The following DOK6 variants were observed in gnomAD, a reference collection of about 807,000 sequenced individuals.
DOK6 encodes docking protein 6, also known as downstream of tyrosine kinase 6.
A neutral mutation model predicts 44.0 loss-of-function variants in DOK6; 22 were observed. That is an observed-to-expected ratio of 0.50 (90% CI 0.36 to 0.71). The LOEUF is 0.71. Ranked by LOEUF, DOK6 falls within the 30% of genes least tolerant of loss-of-function variation. The probability of loss-of-function intolerance (pLI) is 0.00; values close to 1 mark genes in which losing one functional copy is unlikely to be tolerated. For synonymous variants in DOK6, 166 were observed against 145.5 expected (o/e 1.14, Z -1.01); for missense variants, 340 against 416.4 (o/e 0.82, Z 1.60).
intron 4 of DOK6, among the ~76,000 whole-genome samples, chr18:69,686,123 A>G (rs1263827068): frequency 6.6e-6 from 1 of 152,094 alleles, no homozygotes; most frequent in Non-Finnish European, 1.5e-5. Flanking sequence ...GGAAAACCAT[A>G]TAAAGATATA....
chr18:69,492,336 A>G (rs1445671191), intron 1 of DOK6, among the ~76,000 whole-genome samples: 1 of 152,186 alleles, frequency 6.6e-6, no homozygotes, highest in Non-Finnish European at 1.5e-5. Flanking sequence ...CAGAGACTGT[A>G]CAATCTGTAT....
At chr18:69,647,029 C>A (rs1248295615) in intron 3 of DOK6, among the ~76,000 whole-genome samples, 3 of 147,680 alleles carry the variant, frequency 2.0e-5, no homozygotes, top group Non-Finnish European at 4.5e-5. Flanking sequence ...TCTCATCTAT[C>A]CATCTGTCTA....
chr18:69,432,451 G>GA (rs1457489814), intron 1 of DOK6, among the ~76,000 whole-genome samples: 6 of 148,272 alleles, frequency 4.0e-5, no homozygotes, highest in African/African-American at 1.5e-4. Context: ...CTCAAAAAAA[G>GA]AGAAAAAAGT....
intron 4 of DOK6, among the ~76,000 whole-genome samples, chr18:69,683,730 A>T (rs117807167): frequency 6.6e-6 from 1 of 152,234 alleles, no homozygotes; most frequent in Non-Finnish European, 1.5e-5. Context: ...GAGATGATAT[A>T]TTACTGTTAT....
chr18:69,848,546 C>T lies in DOK6; in HGVS notation c.*7163C>T, dbSNP rs1377486977. On this transcript the variant is annotated 3_prime_UTR_variant, in exon 8 of 8. Coordinates refer to ENST00000382713, the MANE Select transcript of DOK6 (RefSeq NM_152721.6). The stretch of plus-strand genomic sequence containing the variant: ...ACTGAAATGTGAATTTCTAGCAGAA[C>T]AGAAAATATTATAATAATGAGGCAA... The T allele has an allele frequency of 6.6e-6, 1 of 152,128 alleles. No individual in the cohort carries two copies. Among genetic ancestry groups the T allele is most frequent in the African/African-American group, 2.4e-5 (1 of 41,424 alleles). The allele number at this position is 152,128 out of a possible 1,614,324, so 9.4% of individuals were successfully genotyped here.
chr18:69,516,868 A>C (rs1981541137), intron 1 of DOK6, among the ~76,000 whole-genome samples: 1 of 147,372 alleles, frequency 6.8e-6, no homozygotes, highest in African/African-American at 2.5e-5. Context: ...TCTAGTGAAG[A>C]CGACCGTTTC....
intron 5 of DOK6, chr18:69,724,896 T>C (rs1358065120): frequency 1.3e-5 from 2 of 152,222 alleles, no homozygotes; most frequent in African/African-American, 2.4e-5. Flanking sequence ...TCTCCTTTTC[T>C]CCTGACCCAC....
chr18:69,765,322 T>C (rs1195411130), intron 7 of DOK6, among the ~76,000 whole-genome samples: 1 of 152,246 alleles, frequency 6.6e-6, no homozygotes, highest in South Asian at 2.1e-4. Flanking sequence ...TGAGCCACTT[T>C]CTAGAAGCAA....
chr18:69,677,623 A>G, intron 3 of DOK6, 111 bp from the exon 4 acceptor site: 1 of 1,541,976 alleles, frequency 6.5e-7, no homozygotes, highest in Non-Finnish European at 8.8e-7. Flanking sequence ...GTTTTTTTAA[A>G]GGCAGGTTCT....
chr18:69,774,246 G>C (rs978425738), intron 7 of DOK6, among the ~76,000 whole-genome samples: 4 of 149,844 alleles, frequency 2.7e-5, no homozygotes, highest in African/African-American at 9.8e-5. Context: ...TAAGTGAAGT[G>C]ACTCAGGAAT....
intron 1 of DOK6, among the ~76,000 whole-genome samples, chr18:69,472,892 T>C (rs1324274092): frequency 6.6e-6 from 1 of 152,226 alleles, no homozygotes; most frequent in Non-Finnish European, 1.5e-5. Flanking sequence ...CATAGGTCAT[T>C]CATATCATGT....
At chr18:69,594,239 T>C (rs1209174925) in intron 2 of DOK6, among the ~76,000 whole-genome samples, 1 of 151,782 alleles carries the variant, frequency 6.6e-6, no homozygotes, top group Non-Finnish European at 1.5e-5. Flanking sequence ...GATGGACAGA[T>C]AGATAGCAAA....
intron 1 of DOK6, among the ~76,000 whole-genome samples, chr18:69,528,672 G>A (rs1187365263): frequency 1.3e-5 from 2 of 152,300 alleles, no homozygotes; most frequent in East Asian, 3.9e-4. Flanking sequence ...TTAATAAAAT[G>A]TATCTCCATA....
At chr18:69,498,013 G>C (rs2144545882) in intron 1 of DOK6, among the ~76,000 whole-genome samples, 1 of 151,232 alleles carries the variant, frequency 6.6e-6, no homozygotes, top group East Asian at 1.9e-4. Flanking sequence ...AAAAAGTGAA[G>C]ACAAATAATA....
At chr18:69,477,950 T>C (rs1317520695) in intron 1 of DOK6, among the ~76,000 whole-genome samples, 1 of 152,156 alleles carries the variant, frequency 6.6e-6, no homozygotes, top group African/African-American at 2.4e-5. Flanking sequence ...GTCACAAAAT[T>C]TTTCAGTGGT....
At chr18:69,725,477 TTTTA>T (rs1283969024) in intron 5 of DOK6, among the ~76,000 whole-genome samples, 1 of 152,200 alleles carries the variant, frequency 6.6e-6, no homozygotes, top group Non-Finnish European at 1.5e-5. Flanking sequence ...TCATTTTTAT[TTTTA>T]TTAATTTTTA....
chr18:69,807,756 T>C (rs1214151876), intron 7 of DOK6, among the ~76,000 whole-genome samples: 4 of 151,788 alleles, frequency 2.6e-5, no homozygotes, highest in Admixed American at 1.3e-4. Context: ...ATTGTAAACA[T>C]ATGTGCACCC....
chr18:69,544,993 C>A lies in DOK6; in HGVS notation c.67-19494C>A, dbSNP rs563110235. On this transcript the variant is annotated intron_variant, in intron 1 of 7. Transcript: ENST00000382713. ...AAAATTAGCTGGGTGTAGTGGTGCA[C>A]GTCTGTAATCCCAGCTACTCAGGAG... Among the ~76,000 whole-genome samples the A allele has an allele frequency of 1.2e-4, 18 of 150,926 alleles. 1 individual carries two copies. Among genetic ancestry groups the A allele is most frequent in the African/African-American group, 2.4e-4 (10 of 41,336 alleles).
At chr18:69,531,872 A>G (rs1179668306) in intron 1 of DOK6, among the ~76,000 whole-genome samples, 3 of 152,048 alleles carry the variant, frequency 2.0e-5, no homozygotes, top group African/African-American at 7.2e-5. Flanking sequence ...TGTATTCCCC[A>G]CCGCCATTTG....
Sources: gnomAD v4.1 joint callset for allele counts (sites outside exome capture counted in the v4.1 genomes callset) on GRCh38, gnomAD v4.1.1 for gene constraint, MANE v1.5 for transcripts, NCBI Gene and HGNC (gene_info 2026-07-23, HGNC 2026-07-21) for gene names.